Variants in BDP1 observed in about 807,000 individuals in gnomAD.
The protein encoded by BDP1 is BDP1 general transcription factor IIIB subunit, also known as transcription factor TFIIIB component B'' homolog.
In BDP1, 169 loss-of-function variants were observed where a neutral mutation model predicts 266.6. That is an observed-to-expected ratio of 0.63 (90% CI 0.56 to 0.72). BDP1 has a LOEUF of 0.72. Ranked by LOEUF, BDP1 falls within the 30% of genes least tolerant of loss-of-function variation. The pLI, the probability that BDP1 is intolerant of heterozygous loss-of-function variation, is 0.00. For synonymous variants in BDP1, 1,090 were observed against 1,022.4 expected, an observed-to-expected ratio of 1.07 and a Z score of -1.26; for missense variants, 3,015 against 3,053.8, an observed-to-expected ratio of 0.99 and a Z score of 0.30.
intron 2 of BDP1, among the ~76,000 whole-genome samples, chr5:71,460,713 A>T (rs1390693752): frequency 6.6e-6 from 1 of 152,210 alleles, no homozygotes; most frequent in Middle Eastern, 3.4e-3. Flanking sequence ...AGCCTCTAAA[A>T]ATGTTTTATG....
chr5:71,523,394 A>C (rs1031473532), intron 24 of BDP1, among the ~76,000 whole-genome samples: 1 of 151,516 alleles, frequency 6.6e-6, no homozygotes, highest in Non-Finnish European at 1.5e-5. Context: ...GCTCACTGCA[A>C]CCTCCACCTC....
At chr5:71,558,766 C>T (rs1394197035) in intron 36 of BDP1, among the ~76,000 whole-genome samples, 4 of 151,444 alleles carry the variant, frequency 2.6e-5, no homozygotes, top group Admixed American at 6.6e-5. Flanking sequence ...GCAGAGGTTG[C>T]GGTGAGCCGA....
intron 26 of BDP1, among the ~76,000 whole-genome samples, chr5:71,535,245 A>G (rs1359822066): frequency 6.6e-6 from 1 of 151,192 alleles, no homozygotes; most frequent in African/African-American, 2.4e-5. Flanking sequence ...TCTGTTGCCC[A>G]GGCTGGAGTG....
intron 8 of BDP1, among the ~76,000 whole-genome samples, chr5:71,485,364 A>G (rs1763204619): frequency 6.6e-6 from 1 of 152,064 alleles, no homozygotes; most frequent in Non-Finnish European, 1.5e-5. Flanking sequence ...AAGTTTTTTG[A>G]GAGAACTTAT....
intron 32 of BDP1, among the ~76,000 whole-genome samples, chr5:71,547,366 T>C (rs1048128886): frequency 2.0e-5 from 3 of 152,122 alleles, no homozygotes. Context: ...AGATTCAACT[T>C]ACATATTTTA....
Position 71,496,079 on chromosome 5 carries a change from A to G in BDP1, c.1799+671A>G, listed in dbSNP as rs896104211. ...AACACAGTGAAACGCTGTCTCTGCT[A>G]AAAATACAAAAAATTAGCCGGGTGT... On this transcript the variant is annotated intron_variant, in intron 12 of 38. Transcript: ENST00000358731. Among the ~76,000 whole-genome samples the G allele has an allele frequency of 7.9e-5, 12 of 152,052 alleles. No homozygotes were observed. The South Asian group carries it at 2.5e-3, about 32-fold the overall frequency.
intron 36 of BDP1, among the ~76,000 whole-genome samples, chr5:71,558,282 T>A (rs902775254): frequency 6.6e-6 from 1 of 152,094 alleles, no homozygotes; most frequent in Non-Finnish European, 1.5e-5. Flanking sequence ...TGGCCTGTAA[T>A]CTCAGCACTT....
At chr5:71,482,003 T>C (rs1005787855) in intron 7 of BDP1, among the ~76,000 whole-genome samples, 2 of 152,146 alleles carry the variant, frequency 1.3e-5, no homozygotes, top group Non-Finnish European at 2.9e-5. Flanking sequence ...CTGAGGTGAA[T>C]GTATTTGGGT....
At chr5:71,487,940 T>C (rs1763367062) in intron 9 of BDP1, among the ~76,000 whole-genome samples, 1 of 152,218 alleles carries the variant, frequency 6.6e-6, no homozygotes, top group Admixed American at 6.5e-5. Flanking sequence ...ATTAACTCTT[T>C]ACTGTTCAAA....
At chr5:71,535,566 C>T (rs1186018927) in intron 26 of BDP1, among the ~76,000 whole-genome samples, 1 of 152,158 alleles carries the variant, frequency 6.6e-6, no homozygotes, top group Non-Finnish European at 1.5e-5. Flanking sequence ...CTTATAACCA[C>T]AGAGAATTCT....
chr5:71,546,025 T>C (rs1422546633), intron 32 of BDP1, among the ~76,000 whole-genome samples: 1 of 152,010 alleles, frequency 6.6e-6, no homozygotes, highest in Non-Finnish European at 1.5e-5. Flanking sequence ...AAACAGCATG[T>C]AAGCAGTATG....
chr5:71,566,306 A>G lies in BDP1; in HGVS notation c.*1421A>G, dbSNP rs1381687041. The G allele has an allele frequency of 6.6e-6, 1 of 152,578 alleles. No individual in the cohort carries two copies. The highest frequency in any genetic ancestry group is 1.9e-4 in the East Asian group (1 of 5,202). The allele number at this position is 152,578 out of a possible 1,614,324, so 9.5% of individuals were successfully genotyped here. On this transcript the variant is annotated 3_prime_UTR_variant, in exon 39 of 39. Coordinates refer to ENST00000358731, the MANE Select transcript of BDP1 (RefSeq NM_018429.3). ...TTTTCCCATTAAATTCTCAAGGAAC[A>G]CTTGGATCTTTAAGCACGGAACATA...
At chr5:71,472,150 G>T (rs964786564) in intron 7 of BDP1, among the ~76,000 whole-genome samples, 3 of 152,096 alleles carry the variant, frequency 2.0e-5, no homozygotes, top group African/African-American at 4.8e-5. Context: ...CTAGCAGGTC[G>T]TTGGGTAAAG....
Position 71,515,019 on chromosome 5 carries a change from T to A in BDP1, c.4546T>A (p.Cys1516Ser), listed in dbSNP as rs558899369. The A allele has an allele frequency of 6.2e-7, 1 of 1,613,206 alleles. No individual in the cohort carries two copies. The highest frequency in any genetic ancestry group is 8.5e-7 in the Non-Finnish European group (1 of 1,179,466). ...GAATGAGGAGGCTGTGATATTGCCA[T>A]GTACACAGACTGAAAGGAACCTTTC... ...HRNEEAVILP[C>S]TQTERNLSPS... is the part of the protein sequence containing the mutation. The change falls in exon 20 of 39, where the codon TGT becomes AGT. Residue 1516 changes from cysteine (C) to serine (S), a missense_variant. By Grantham distance (112) the Cys-to-Ser change is moderately radical. This residue lies in a region of BDP1 where 2,383 missense variants were observed against 2,404.9 expected (regional missense o/e 0.99). Coordinates refer to ENST00000358731, the MANE Select transcript of BDP1 (RefSeq NM_018429.3).
At chr5:71,537,864 A>G (rs1041645115) in intron 26 of BDP1, 1 of 156,036 alleles carries the variant, frequency 6.4e-6, no homozygotes, top group Admixed American at 6.5e-5. Context: ...AGGAGTGTGC[A>G]TGCTGGGTGC....
chr5:71,510,620 T>G lies in BDP1; in HGVS notation c.3528T>G (p.Thr1176=). The part of the protein sequence containing the change: ...VDEMETDLKT[T]GREGSSREKT... The stretch of plus-strand genomic sequence containing the variant: ...AAATGGAGACAGACTTGAAAACAAC[T>G]GGAAGAGAGGGTTCCTCAAGGGAGA... Residue 1176 remains threonine (T), a synonymous_variant, in exon 17 of 39, where the codon ACT becomes ACG. Transcript: ENST00000358731. 1.3e-6 allele frequency: 2 copies of G among 1,586,656 alleles called. No individual in the cohort carries two copies. The highest frequency in any genetic ancestry group is 2.2e-5 in the South Asian group (2 of 89,348).
rs1315276653 is a variant in BDP1, at chr5:71,514,891, T to C, written c.4471-53T>C. 13 of 1,294,694 alleles carry C rather than the reference T, an allele frequency of 1.0e-5. No homozygotes were observed. The East Asian group carries it at 3.2e-4, about 32-fold the overall frequency. 80.2% of individuals were successfully genotyped at this position (1,294,694 alleles called of 1,614,324 possible). Reference sequence around the variant, plus strand: ...TATCAGTTTATACTTGTAAAGTTCTTATTTCCTTATACTTTTAGCAACTGT... The same window carrying C: ...TATCAGTTTATACTTGTAAAGTTCTCATTTCCTTATACTTTTAGCAACTGT... On this transcript the variant is annotated intron_variant, in intron 19 of 38. Coordinates refer to ENST00000358731, the MANE Select transcript of BDP1 (RefSeq NM_018429.3).
In BDP1 at chr5:71,556,907, A is replaced by G. The variant is rs746916646; in HGVS notation, c.7222A>G (p.Asn2408Asp). ...ATAGGTGCACTCAAAGGAATTAACA[A>G]ATGTTTTTGAGGAAACAGGTAAGTG... ...TTEVHSKELT[N>D]VFEETGESHK... Residue 2408 changes from asparagine (N) to aspartate (D), a missense_variant, in exon 36 of 39, where the codon AAT becomes GAT. Physicochemically the swap from Asn to Asp is conservative, Grantham distance 23 (BLOSUM62 1). Transcript: ENST00000358731. 5 of 1,461,950 alleles carry G rather than the reference A, an allele frequency of 3.4e-6. No individual in the cohort carries two copies. In the East Asian group the frequency reaches 7.7e-5, roughly 22 times the overall value. The allele number at this position is 1,461,950 out of a possible 1,614,324, so 90.6% of individuals were successfully genotyped here.
Position 71,491,114 on chromosome 5 carries a change from C to G in BDP1, c.1623C>G (p.Asp541Glu), listed in dbSNP as rs1763564833. ...CTGAAAAAGTTGAGAAAAGAACTGA[C>G]CCCATCCTTTCATTAAGGTATTTTC... ...ASTEKVEKRT[D>E]PILSLSNQQD... The change falls in exon 11 of 39, where the codon GAC becomes GAG. Residue 541 changes from aspartate (D) to glutamate (E), a missense_variant. Coordinates refer to ENST00000358731, the MANE Select transcript of BDP1 (RefSeq NM_018429.3). The G allele has an allele frequency of 6.2e-7, 1 of 1,613,762 alleles. No individual in the cohort carries two copies. Among genetic ancestry groups the G allele is most frequent in the Middle Eastern group, 1.6e-4 (1 of 6,062 alleles).
Sources: gnomAD v4.1 joint callset for allele counts (sites outside exome capture counted in the v4.1 genomes callset) on GRCh38, gnomAD v4.1.1 for gene constraint, gnomAD v4.1.1 regional missense constraint, MANE v1.5 for transcripts, NCBI Gene and HGNC (gene_info 2026-07-23, HGNC 2026-07-21) for gene names.